The following CCSER1 variants were observed in gnomAD, a reference collection of about 807,000 sequenced individuals.
CCSER1 encodes coiled-coil serine rich protein 1, also known as serine-rich coiled-coil domain-containing protein 1.
CCSER1 carries 41 observed loss-of-function variants against 82.0 expected under a neutral mutation model. The ratio of observed to expected loss-of-function variants is 0.50; its 90% CI spans 0.39 to 0.65. The LOEUF (loss-of-function observed/expected upper bound fraction) is 0.65. Among genes scored for constraint, CCSER1 ranks in the 30% least tolerant of loss-of-function variants. The pLI is 0.00. For synonymous variants in CCSER1, 414 were observed against 383.9 expected, an observed-to-expected ratio of 1.08 and a Z score of -0.92; for missense variants, 1,119 against 1,064.2, an observed-to-expected ratio of 1.05 and a Z score of -0.72.
At chr4:91,150,625 A>C (rs540780054) in intron 10 of CCSER1, among the ~76,000 whole-genome samples, 1 of 152,234 alleles carries the variant, frequency 6.6e-6, no homozygotes, top group Middle Eastern at 3.4e-3. Context: ...GGTTTGTCAT[A>C]AAATAGCTCT....
intron 5 of CCSER1, among the ~76,000 whole-genome samples, chr4:90,547,680 T>C (rs1011731235): frequency 9.9e-5 from 15 of 152,148 alleles, no homozygotes; most frequent in Admixed American, 7.2e-4. Context: ...ATCCTAGTTC[T>C]TTCTCTAAAA....
intron 5 of CCSER1, among the ~76,000 whole-genome samples, chr4:90,543,440 C>T (rs17017106): frequency 0.15 from 23,120 of 152,080 alleles, 2,375 homozygotes; most frequent in East Asian, 0.43. Context: ...GTTTCTAGAT[C>T]AGAATTAGAT....
intron 5 of CCSER1, among the ~76,000 whole-genome samples, chr4:90,544,648 C>A (rs1776529449): frequency 6.6e-6 from 1 of 152,058 alleles, no homozygotes; most frequent in Non-Finnish European, 1.5e-5. Flanking sequence ...AGTGTGTGAG[C>A]TGAAATTGTG....
At chr4:91,285,844 T>C (rs1055604396) in intron 10 of CCSER1, among the ~76,000 whole-genome samples, 3 of 151,868 alleles carry the variant, frequency 2.0e-5, no homozygotes, top group Non-Finnish European at 4.4e-5. Flanking sequence ...GTAGAAGGAA[T>C]GAATGCTTTT....
chr4:90,386,288 C>CACCA (rs1381613384), intron 3 of CCSER1, among the ~76,000 whole-genome samples: 3 of 152,128 alleles, frequency 2.0e-5, no homozygotes, highest in Non-Finnish European at 4.4e-5. Context: ...GAGTATGGTA[C>CACCA]TGGTATAAAG....
intron 9 of CCSER1, among the ~76,000 whole-genome samples, chr4:90,966,871 A>G (rs757839066): frequency 9.2e-5 from 14 of 152,080 alleles, no homozygotes; most frequent in Non-Finnish European, 7.4e-5. Context: ...AATCCCAGCT[A>G]GCTTCTCTGA....
At chr4:91,381,072 G>GC (rs1750851814) in intron 10 of CCSER1, among the ~76,000 whole-genome samples, 1 of 152,006 alleles carries the variant, frequency 6.6e-6, no homozygotes, top group South Asian at 2.1e-4. Context: ...TTGAATATTG[G>GC]CCCCCACTCT....
intron 10 of CCSER1, among the ~76,000 whole-genome samples, chr4:91,143,115 G>A (rs1290606077): frequency 6.6e-6 from 1 of 152,054 alleles, no homozygotes; most frequent in African/African-American, 2.4e-5. Context: ...CCATGAACAT[G>A]GAGTATTTTT....
At chr4:91,592,576 T>G (rs1764319023) in intron 10 of CCSER1, among the ~76,000 whole-genome samples, 1 of 150,440 alleles carries the variant, frequency 6.6e-6, no homozygotes, top group South Asian at 2.1e-4. Flanking sequence ...AAGTTACTAC[T>G]TAGCTTCTAC....
At chr4:90,232,364 C>A (rs1413003000) in intron 1 of CCSER1, among the ~76,000 whole-genome samples, 59 of 151,872 alleles carry the variant, frequency 3.9e-4, no homozygotes, top group African/African-American at 1.4e-3. Flanking sequence ...CAAAAACAAG[C>A]AATGGGGAAA....
At chr4:91,361,947 G>A (rs371299609) in intron 10 of CCSER1, among the ~76,000 whole-genome samples, 7 of 151,636 alleles carry the variant, frequency 4.6e-5, no homozygotes, top group South Asian at 4.2e-4. Context: ...GGTATTTGGC[G>A]CTATTTTACA....
chr4:90,723,665 A>T (rs1341306134), intron 6 of CCSER1, among the ~76,000 whole-genome samples: 1 of 151,942 alleles, frequency 6.6e-6, no homozygotes, highest in East Asian at 1.9e-4. Context: ...AATGGCCATT[A>T]TATTTGATAA....
chr4:90,771,267 A>G (rs187306112), intron 7 of CCSER1, among the ~76,000 whole-genome samples: 19 of 152,136 alleles, frequency 1.2e-4, no homozygotes, highest in Admixed American at 1.2e-3. Context: ...TTCATTTCTA[A>G]TGATACTTTG....
At chr4:90,356,550 C>T (rs1402300634) in intron 3 of CCSER1, among the ~76,000 whole-genome samples, 1 of 151,478 alleles carries the variant, frequency 6.6e-6, no homozygotes, top group African/African-American at 2.4e-5. Context: ...ATGTGTAAGC[C>T]TCATTTTCTT....
chr4:90,867,628 A>T (rs1561275097), intron 8 of CCSER1, among the ~76,000 whole-genome samples: 1 of 151,872 alleles, frequency 6.6e-6, no homozygotes, highest in Non-Finnish European at 1.5e-5. Flanking sequence ...CAAATACTAG[A>T]TCATATTCAT....
At chr4:90,715,217 A>G (rs1741408821) in intron 6 of CCSER1, among the ~76,000 whole-genome samples, 1 of 151,986 alleles carries the variant, frequency 6.6e-6, no homozygotes, top group Non-Finnish European at 1.5e-5. Flanking sequence ...GTTGGCCAGT[A>G]TCTGACAAAG....
At chr4:91,004,982 A>G (rs780975963) in intron 9 of CCSER1, among the ~76,000 whole-genome samples, 1 of 152,204 alleles carries the variant, frequency 6.6e-6, no homozygotes, top group East Asian at 1.9e-4. Context: ...CTTAGCAACT[A>G]TAAGTAGGAC....
At chr4:90,205,174 T>C (rs1738552087) in intron 1 of CCSER1, among the ~76,000 whole-genome samples, 1 of 152,236 alleles carries the variant, frequency 6.6e-6, no homozygotes, top group Non-Finnish European at 1.5e-5. Context: ...CGTTTTTGAA[T>C]ACCCTTTATT....
At chr4:91,525,679 C>T (rs1760732037) in intron 10 of CCSER1, among the ~76,000 whole-genome samples, 2 of 152,084 alleles carry the variant, frequency 1.3e-5, no homozygotes, top group Non-Finnish European at 2.9e-5. Context: ...ACCTTCACAT[C>T]ATATTTGTCT....
Sources: gnomAD v4.1 joint callset for allele counts (sites outside exome capture counted in the v4.1 genomes callset) on GRCh38, gnomAD v4.1.1 for gene constraint, MANE v1.5 for transcripts, NCBI Gene and HGNC (gene_info 2026-07-23, HGNC 2026-07-21) for gene names.